CAMKMT: variants seen among roughly 807,000 people sequenced by gnomAD.
The protein encoded by CAMKMT is CaM KMT.
CAMKMT carries 53 observed loss-of-function variants against 48.0 expected under a neutral mutation model. That is an observed-to-expected ratio of 1.10 (90% CI 0.89 to 1.39). The LOEUF (loss-of-function observed/expected upper bound fraction) is 1.39, where lower values mean the gene tolerates loss of function less well. CAMKMT is among the 40% of genes most tolerant of loss of function. CAMKMT has a pLI of 0.00. For missense variants in CAMKMT, 428 were observed against 402.7 expected (o/e 1.06, Z -0.54); for synonymous variants, 165 against 152.3 (o/e 1.08, Z -0.61).
At chr2:44,752,348 A>G (rs1182260728) in intron 8 of CAMKMT, among the ~76,000 whole-genome samples, 2 of 151,878 alleles carry the variant, frequency 1.3e-5, no homozygotes, top group Non-Finnish European at 2.9e-5. Context: ...TGGGGTTCAG[A>G]AAAAAAGTCC....
At position 44,576,272 on chromosome 2, in the gene CAMKMT, G is replaced by C. The variant is rs144335294; in HGVS notation, c.377-128011G>C. Among the ~76,000 whole-genome samples the C allele has an allele frequency of 3.0e-3, 449 of 150,180 alleles. 27 individuals are homozygous for C. In the East Asian group the frequency reaches 0.082, roughly 27 times the overall value. Reference sequence around the variant, plus strand: ...GAACCCAGGAAGCAGAGGTTGCAGTGAGCCGAGATTGCGTCATTGCACTCC... The same window carrying C: ...GAACCCAGGAAGCAGAGGTTGCAGTCAGCCGAGATTGCGTCATTGCACTCC... On this transcript the variant is annotated intron_variant, in intron 3 of 10. Coordinates refer to ENST00000378494, the MANE Select transcript of CAMKMT (RefSeq NM_024766.5).
At chr2:44,758,191 T>C (rs551692243) in intron 9 of CAMKMT, among the ~76,000 whole-genome samples, 32 of 152,026 alleles carry the variant, frequency 2.1e-4, no homozygotes, top group South Asian at 1.9e-3. Context: ...TCTAGGGGAG[T>C]ATGGTTGATT....
At chr2:44,737,049 T>C (rs1257168909) in intron 7 of CAMKMT, among the ~76,000 whole-genome samples, 1 of 152,238 alleles carries the variant, frequency 6.6e-6, no homozygotes, top group Admixed American at 6.5e-5. Context: ...TTGGATTATA[T>C]ACTAGGTATT....
chr2:44,549,860 T>A (rs149972975), intron 3 of CAMKMT: 3 of 374,398 alleles, frequency 8.0e-6, no homozygotes, highest in African/African-American at 6.3e-5. Flanking sequence ...CTTCATTGTG[T>A]TAAAAGTCTT....
At position 44,555,637 on chromosome 2, in the gene CAMKMT, G is replaced by A. The variant is rs76909256; in HGVS notation, c.377-148646G>A. 9.8e-3 allele frequency among the ~76,000 whole-genome samples: 1,487 copies of A among 152,250 alleles called. 22 individuals are homozygous for A. Among genetic ancestry groups the A allele is most frequent in the African/African-American group, 0.028 (1,162 of 41,526 alleles). On this transcript the variant is annotated intron_variant, in intron 3 of 10. Coordinates refer to ENST00000378494, the MANE Select transcript of CAMKMT (RefSeq NM_024766.5). ...GTGGGTTGAAGCCGTGAGAGTGGGT[G>A]AGATTAAGAAAAGGAATAAAGAAAG... is the stretch of plus-strand genomic sequence containing the variant.
At chr2:44,410,291 C>T (rs1683114912) in intron 3 of CAMKMT, among the ~76,000 whole-genome samples, 2 of 16,622 alleles carry the variant, frequency 1.2e-4, no homozygotes, top group South Asian at 5.6e-3. Flanking sequence ...GAGTCTTGCT[C>T]TGTCGCCCAC....
At chr2:44,539,740 GT>G (rs1160691982) in intron 3 of CAMKMT, among the ~76,000 whole-genome samples, 3 of 152,016 alleles carry the variant, frequency 2.0e-5, no homozygotes, top group Non-Finnish European at 4.4e-5. Flanking sequence ...TTCATTCTGG[GT>G]TTGTCTTCTG....
At chr2:44,395,678 G>A (rs1157521974) in intron 3 of CAMKMT, among the ~76,000 whole-genome samples, 1 of 152,140 alleles carries the variant, frequency 6.6e-6, no homozygotes, top group Non-Finnish European at 1.5e-5. Context: ...GTACTTTATA[G>A]TGAGGTGAAC....
At chr2:44,507,851 A>G (rs954417166) in intron 3 of CAMKMT, among the ~76,000 whole-genome samples, 1 of 152,172 alleles carries the variant, frequency 6.6e-6, no homozygotes, top group African/African-American at 2.4e-5. Flanking sequence ...GCCGAACTAA[A>G]CAATGTGCTT....
intron 3 of CAMKMT, chr2:44,391,866 G>C (rs1681375770): frequency 6.5e-6 from 1 of 152,812 alleles, no homozygotes; most frequent in Admixed American, 6.6e-5. Flanking sequence ...TTTTTTCACT[G>C]TTGTCTCTTG....
intron 6 of CAMKMT, among the ~76,000 whole-genome samples, chr2:44,707,957 C>T (rs1310785635): frequency 1.3e-5 from 2 of 152,098 alleles, no homozygotes; most frequent in Non-Finnish European, 1.5e-5. Flanking sequence ...GTCAGTTCTT[C>T]ATTATTTCCT....
chr2:44,592,248 A>G (rs1670337496), intron 3 of CAMKMT, among the ~76,000 whole-genome samples: 1 of 151,726 alleles, frequency 6.6e-6, no homozygotes, highest in Admixed American at 6.6e-5. Flanking sequence ...CTACGAATTC[A>G]TTTTTTTTAT....
intron 3 of CAMKMT, among the ~76,000 whole-genome samples, chr2:44,490,501 C>A (rs1410755910): frequency 1.3e-5 from 2 of 152,242 alleles, no homozygotes; most frequent in African/African-American, 4.8e-5. Flanking sequence ...TCTCGAACTC[C>A]CGACCTCAGG....
intron 3 of CAMKMT, among the ~76,000 whole-genome samples, chr2:44,497,928 G>C (rs935974715): frequency 1.3e-5 from 2 of 152,092 alleles, no homozygotes; most frequent in East Asian, 3.9e-4. Context: ...GTGTGGGGTA[G>C]GGAGTAGGTT....
At chr2:44,412,465 G>A (rs546915148) in intron 3 of CAMKMT, among the ~76,000 whole-genome samples, 4 of 151,950 alleles carry the variant, frequency 2.6e-5, no homozygotes, top group Non-Finnish European at 5.9e-5. Flanking sequence ...CTTCCCGAGT[G>A]GCTGGGATTA....
At chr2:44,427,266 C>A (rs1684336696) in intron 3 of CAMKMT, among the ~76,000 whole-genome samples, 1 of 152,074 alleles carries the variant, frequency 6.6e-6, no homozygotes, top group Non-Finnish European at 1.5e-5. Flanking sequence ...AATGTACGAC[C>A]AAGTCCTCAA....
rs918976987 is a variant in CAMKMT at position 44,628,311 on chromosome 2, A to G, written c.377-75972A>G. The stretch of plus-strand genomic sequence containing the variant: ...TCTAGCTTCTAGCTTAAGGTTTATC[A>G]ATTTTATTAATTTCTTCAGAGAACT... On this transcript the variant is annotated intron_variant, in intron 3 of 10. Transcript: ENST00000378494. Among the ~76,000 whole-genome samples, 2 of 151,914 alleles carry G rather than the reference A, an allele frequency of 1.3e-5. 1 individual carries two copies. The highest frequency in any genetic ancestry group is 1.3e-4 in the Admixed American group (2 of 15,244).
At chr2:44,477,620 T>A (rs1347367750) in intron 3 of CAMKMT, among the ~76,000 whole-genome samples, 2 of 152,226 alleles carry the variant, frequency 1.3e-5, no homozygotes, top group Non-Finnish European at 2.9e-5. Context: ...AGTACATTTT[T>A]GGTTGAGCAC....
chr2:44,586,433 C>T (rs903846370), intron 3 of CAMKMT, among the ~76,000 whole-genome samples: 8 of 151,998 alleles, frequency 5.3e-5, no homozygotes, highest in African/African-American at 1.5e-4. Flanking sequence ...TTTTGTAGTC[C>T]TTCCTACCCT....
Sources: gnomAD v4.1 joint callset for allele counts (sites outside exome capture counted in the v4.1 genomes callset) on GRCh38, gnomAD v4.1.1 for gene constraint, MANE v1.5 for transcripts, NCBI Gene and HGNC (gene_info 2026-07-23, HGNC 2026-07-21) for gene names.